The following DOCK4 variants were observed in gnomAD, a reference collection of about 807,000 sequenced individuals.
The protein encoded by DOCK4 is dedicator of cytokinesis 4, also known as dedicator of cytokinesis protein 4.
Under a neutral mutation model 268.1 loss-of-function variants are expected in DOCK4, and 97 were observed. The observed-to-expected ratio is 0.36, with a 90% CI of 0.31 to 0.43. The LOEUF is 0.43. Among genes scored for constraint, DOCK4 ranks in the 20% least tolerant of loss-of-function variants. DOCK4 has a pLI of 1.00. For synonymous variants in DOCK4, 954 were observed against 887.2 expected (o/e 1.08, Z -1.34); for missense variants, 2,145 against 2,455.7 (o/e 0.87, Z 2.67).
At chr7:111,782,950 A>C in intron 34 of DOCK4, 26 bp from the exon 35 acceptor site, 1 of 1,603,866 alleles carries the variant, frequency 6.2e-7, no homozygotes, top group African/African-American at 1.3e-5. Context: ...AATAGTCAGA[A>C]CTCAGAACTT....
At chr7:112,041,233 C>A (rs1804328905) in intron 1 of DOCK4, among the ~76,000 whole-genome samples, 1 of 151,986 alleles carries the variant, frequency 6.6e-6, no homozygotes, top group Non-Finnish European at 1.5e-5. Context: ...GAGGTGAGAC[C>A]CTGAGGTGTA....
At chr7:111,783,767 C>G (rs983629545) in intron 34 of DOCK4, 90 bp downstream of exon 34, 2 of 1,167,744 alleles carry the variant, frequency 1.7e-6, no homozygotes, top group African/African-American at 3.1e-5. Context: ...GAGTGATTCA[C>G]AAGAGTGGAA....
intron 4 of DOCK4, among the ~76,000 whole-genome samples, chr7:111,997,911 AT>A (rs1800097997): frequency 6.6e-6 from 1 of 152,154 alleles, no homozygotes; most frequent in South Asian, 2.1e-4. Flanking sequence ...AAGACTAGAA[AT>A]TTTTTTAATG....
intron 1 of DOCK4, among the ~76,000 whole-genome samples, chr7:112,096,949 T>C (rs1810199088): frequency 6.6e-6 from 1 of 152,182 alleles, no homozygotes; most frequent in Admixed American, 6.5e-5. Flanking sequence ...GGGGCAGAAC[T>C]TCTGTCTCTA....
In DOCK4 at chr7:111,760,251, C is replaced by G. The variant is rs1221936326; in HGVS notation, c.4092G>C (p.Glu1364Asp). 6.2e-7 allele frequency: 1 copy of G among 1,613,872 alleles called. No homozygotes were observed. Among genetic ancestry groups the G allele is most frequent in the Admixed American group, 1.7e-5 (1 of 60,004 alleles). Residue 1364 changes from glutamate (E) to aspartate (D), a missense_variant, in exon 40 of 53, where the codon GAG becomes GAC. Physicochemically the swap from Glu to Asp is conservative, Grantham distance 45. Around this residue, in one of 2 missense-constraint regions of DOCK4, gnomAD observed 1,598 missense variants for 1,986.7 expected, o/e 0.80. Coordinates refer to ENST00000428084, the MANE Select transcript of DOCK4 (RefSeq NM_001363540.2). ...GCTGCATGGCGATGGCATGGGGGAA[C>G]TCGTTCAGCATTCTCTGTTGGAAGG... ...LEAFQQRMLN[E>D]FPHAIAMQHA... is the part of the protein sequence containing the mutation.
At chr7:112,001,800 G>A (rs962534749) in intron 2 of DOCK4, among the ~76,000 whole-genome samples, 1 of 152,160 alleles carries the variant, frequency 6.6e-6, no homozygotes, top group Non-Finnish European at 1.5e-5. Context: ...ATAAGGTTCA[G>A]TACCATCCAA....
chr7:111,833,810 C>G (rs1229946572), intron 26 of DOCK4, among the ~76,000 whole-genome samples: 1 of 152,190 alleles, frequency 6.6e-6, no homozygotes, highest in Non-Finnish European at 1.5e-5. Context: ...GGCTTCCAAT[C>G]AAGCAAATGT....
chr7:112,084,149 G>A (rs577763299), intron 1 of DOCK4, among the ~76,000 whole-genome samples: 5 of 152,258 alleles, frequency 3.3e-5, no homozygotes, highest in Non-Finnish European at 4.4e-5. Context: ...GAGTCATGCC[G>A]TCAGGCCTGG....
chr7:111,785,620 G>A (rs781468445), intron 32 of DOCK4, among the ~76,000 whole-genome samples: 4 of 152,168 alleles, frequency 2.6e-5, no homozygotes, highest in African/African-American at 4.8e-5. Context: ...TGTGTGCTCA[G>A]CCAGCCTTGT....
intron 35 of DOCK4, among the ~76,000 whole-genome samples, chr7:111,781,971 T>C (rs1798811609): frequency 6.6e-6 from 1 of 152,154 alleles, no homozygotes; most frequent in African/African-American, 2.4e-5. Flanking sequence ...TAGAATGTAA[T>C]AGATGGCGAG....
At chr7:112,185,146 A>T (rs1448799314) in intron 1 of DOCK4, among the ~76,000 whole-genome samples, 1 of 152,204 alleles carries the variant, frequency 6.6e-6, no homozygotes, top group African/African-American at 2.4e-5. Context: ...TACACACAGC[A>T]CTGGCAGTGT....
chr7:111,741,996 C>T lies in DOCK4; in HGVS notation c.4797+17G>A. 1 of 1,551,904 alleles carries T rather than the reference C, an allele frequency of 6.4e-7. No homozygotes were observed. The highest frequency in any genetic ancestry group is 8.7e-7 in the Non-Finnish European group (1 of 1,151,978). ...AGTGATCAGGCTGCCCCGCCATGGACACCTAAGTATACATACCTGTATCCC... is the reference window on the plus strand; with the variant it reads ...AGTGATCAGGCTGCCCCGCCATGGATACCTAAGTATACATACCTGTATCCC... On this transcript the variant is annotated intron_variant, in intron 45 of 52. Coordinates refer to ENST00000428084, the MANE Select transcript of DOCK4 (RefSeq NM_001363540.2).
intron 51 of DOCK4, among the ~76,000 whole-genome samples, chr7:111,734,040 C>A (rs1406384250): frequency 6.6e-6 from 1 of 152,076 alleles, no homozygotes; most frequent in Non-Finnish European, 1.5e-5. Flanking sequence ...TGGGCTCAAG[C>A]AATTCTCCCA....
intron 1 of DOCK4, among the ~76,000 whole-genome samples, chr7:112,130,813 A>G (rs547108002): frequency 6.6e-6 from 1 of 152,316 alleles, no homozygotes; most frequent in African/African-American, 2.4e-5. Context: ...CTTAAATTTA[A>G]CAACTTTGTT....
chr7:112,143,621 G>T (rs1279344251), intron 1 of DOCK4, among the ~76,000 whole-genome samples: 1 of 152,126 alleles, frequency 6.6e-6, no homozygotes, highest in Admixed American at 6.5e-5. Context: ...GGAATGGGAG[G>T]GCCTCTTGGA....
intron 1 of DOCK4, among the ~76,000 whole-genome samples, chr7:112,113,463 T>C (rs986230057): frequency 2.6e-5 from 4 of 152,000 alleles, no homozygotes; most frequent in African/African-American, 4.8e-5. Context: ...CATTGGAAAA[T>C]TGGTTTCTCT....
intron 13 of DOCK4, among the ~76,000 whole-genome samples, chr7:111,908,482 T>C (rs1791803241): frequency 6.6e-6 from 1 of 151,656 alleles, no homozygotes. Context: ...ATAATAATAA[T>C]GAAATTGCTT....
At chr7:111,957,145 A>G (rs1472802397) in intron 8 of DOCK4, among the ~76,000 whole-genome samples, 1 of 152,172 alleles carries the variant, frequency 6.6e-6, no homozygotes, top group Non-Finnish European at 1.5e-5. Context: ...TCTATAGTTT[A>G]TATACTTCTA....
intron 25 of DOCK4, among the ~76,000 whole-genome samples, chr7:111,838,086 CAAAAAAAAAAAA>C (rs749907970): frequency 0.025 from 744 of 29,864 alleles, 4 homozygotes; most frequent in Non-Finnish European, 0.041. Context: ...AACCCTACCT[CAAAAAAAAAAAA>C]AAAAAAAAAA....
Sources: gnomAD v4.1 joint callset for allele counts (sites outside exome capture counted in the v4.1 genomes callset) on GRCh38, gnomAD v4.1.1 for gene constraint, gnomAD v4.1.1 regional missense constraint, MANE v1.5 for transcripts, NCBI Gene and HGNC (gene_info 2026-07-23, HGNC 2026-07-21) for gene names.